The following ARNT2 variants were observed in gnomAD, a reference collection of about 807,000 sequenced individuals.
ARNT2 encodes aryl hydrocarbon receptor nuclear translocator 2, also known as ARNT protein 2.
Under a neutral mutation model 91.7 loss-of-function variants are expected in ARNT2, and 36 were observed. That is an observed-to-expected ratio of 0.39 (90% CI 0.30 to 0.52). The LOEUF (loss-of-function observed/expected upper bound fraction) is 0.52. Ranked by LOEUF, ARNT2 falls within the 20% of genes least tolerant of loss-of-function variation. ARNT2 has a pLI of 0.72. For missense variants in ARNT2, 775 were observed against 939.3 expected (o/e 0.83, Z 2.29); for synonymous variants, 365 against 347.1 (o/e 1.05, Z -0.57).
rs546642753 is a variant in ARNT2, at chr15:80,596,157, A to G, written c.*2459A>G. On this transcript the variant is annotated 3_prime_UTR_variant, in exon 19 of 19. Coordinates refer to ENST00000303329, the MANE Select transcript of ARNT2 (RefSeq NM_014862.4). ...AAATTAGGAGAGGATCCTTGCTCCCAACGTCTACTTCTCCTACCTCAACAG... is the reference window on the plus strand; with the variant it reads ...AAATTAGGAGAGGATCCTTGCTCCCGACGTCTACTTCTCCTACCTCAACAG... The G allele has an allele frequency of 6.6e-6, 1 of 152,368 alleles. No individual in the cohort carries two copies. Among genetic ancestry groups the G allele is most frequent in the Admixed American group, 6.5e-5 (1 of 15,306 alleles). 9.4% of individuals were successfully genotyped at this position (152,368 alleles called of 1,614,324 possible). A position where few individuals can be genotyped will look rare whatever the true frequency, so the allele number is the denominator to read the frequency against.
chr15:80,412,506 GTATA>G (rs35163086), intron 1 of ARNT2, among the ~76,000 whole-genome samples: 4 of 151,142 alleles, frequency 2.6e-5, no homozygotes, highest in Admixed American at 6.6e-5. Context: ...GTGTGTGTGT[GTATA>G]TATATATATA....
intron 5 of ARNT2, among the ~76,000 whole-genome samples, chr15:80,482,072 C>A (rs777244363): frequency 6.6e-6 from 1 of 152,160 alleles, no homozygotes; most frequent in Non-Finnish European, 1.5e-5. Flanking sequence ...CTGCACTCAG[C>A]TAATTTTTTA....
chr15:80,476,189 T>C (rs1234817439), intron 5 of ARNT2, among the ~76,000 whole-genome samples: 4 of 152,206 alleles, frequency 2.6e-5, no homozygotes, highest in African/African-American at 9.7e-5. Flanking sequence ...TGTATGTTAT[T>C]GCGAAATGGT....
chr15:80,422,585 C>A (rs1386217427), intron 1 of ARNT2, among the ~76,000 whole-genome samples: 1 of 152,028 alleles, frequency 6.6e-6, no homozygotes, highest in African/African-American at 2.4e-5. Flanking sequence ...AGTAAGTGAC[C>A]GCAAATGGAA....
intron 5 of ARNT2, among the ~76,000 whole-genome samples, chr15:80,491,282 T>A (rs905823151): frequency 1.5e-4 from 23 of 152,170 alleles, no homozygotes; most frequent in Non-Finnish European, 1.2e-4. Context: ...CTCACAATCA[T>A]GGCAGAAGGC....
chr15:80,461,322 C>T lies in ARNT2; in HGVS notation c.194+3346C>T, dbSNP rs528370549. Among the ~76,000 whole-genome samples, 109 of 152,200 alleles carry T rather than the reference C, an allele frequency of 7.2e-4. No individual in the cohort carries two copies. In the Middle Eastern group the frequency reaches 0.017, roughly 24 times the overall value. On this transcript the variant is annotated intron_variant, in intron 3 of 18. Transcript: ENST00000303329. The stretch of plus-strand genomic sequence containing the variant: ...GCAGGTGCCATGGAAGGACAGGAGT[C>T]GAGGTGGTTAAGGTCTCAATGAGAG...
At chr15:80,467,442 A>T (rs766279156) in intron 3 of ARNT2, among the ~76,000 whole-genome samples, 11 of 152,090 alleles carry the variant, frequency 7.2e-5, no homozygotes, top group Non-Finnish European at 1.3e-4. Flanking sequence ...AGTAGGGAAG[A>T]GGGCTGTGGG....
At chr15:80,456,155 C>T (rs1239156432) in intron 2 of ARNT2, among the ~76,000 whole-genome samples, 1 of 152,204 alleles carries the variant, frequency 6.6e-6, no homozygotes, top group African/African-American at 2.4e-5. Context: ...TTGCATTCAG[C>T]TCCCACTTGT....
chr15:80,498,861 G>A (rs1325119552), intron 5 of ARNT2, among the ~76,000 whole-genome samples: 8 of 152,092 alleles, frequency 5.3e-5, no homozygotes, highest in Non-Finnish European at 1.2e-4. Flanking sequence ...TGTTCGGTGG[G>A]TGCCGTCTTA....
chr15:80,414,376 C>A (rs1205683466), intron 1 of ARNT2, among the ~76,000 whole-genome samples: 2 of 152,152 alleles, frequency 1.3e-5, no homozygotes, highest in Non-Finnish European at 2.9e-5. Flanking sequence ...AAACTCTGGT[C>A]TATGGGAACA....
chr15:80,569,271 C>T (rs1334346019), intron 12 of ARNT2, among the ~76,000 whole-genome samples: 1 of 152,326 alleles, frequency 6.6e-6, no homozygotes, highest in Non-Finnish European at 1.5e-5. Context: ...GGCAGGAAGC[C>T]GCACTTGATG....
intron 1 of ARNT2, chr15:80,441,356 C>A (rs773495967): frequency 2.0e-5 from 20 of 985,314 alleles, no homozygotes; most frequent in Non-Finnish European, 2.4e-5. Context: ...GAAGAAAGAT[C>A]TTTGTTTAAT....
intron 3 of ARNT2, among the ~76,000 whole-genome samples, chr15:80,468,927 C>G (rs1042064482): frequency 2.0e-5 from 3 of 152,168 alleles, no homozygotes; most frequent in African/African-American, 7.2e-5. Context: ...GCACGTGCTA[C>G]TTGGTGTCAT....
In ARNT2 at chr15:80,426,795, T is replaced by A. The variant is rs1004718363; in HGVS notation, c.31+22249T>A. On this transcript the variant is annotated intron_variant, in intron 1 of 18. Transcript: ENST00000303329. ...ACTGGGTGGTTTAAACAACAAATAT[T>A]TATCTTCTCACTCTTCAGAGGCTGG... Among the ~76,000 whole-genome samples, 12 of 152,304 alleles carry A rather than the reference T, an allele frequency of 7.9e-5. 3 individuals carry two copies. The South Asian group carries it at 1.9e-3, about 24-fold the overall frequency.
Position 80,597,237 on chromosome 15 carries a change from A to G in ARNT2, c.*3539A>G, listed in dbSNP as rs1893388452. ...CCCCACTCCCGGCAGCACTTTAGGCAGCCCATAAGCTATGCGAGAATGTGA... is the reference window on the plus strand; with the variant it reads ...CCCCACTCCCGGCAGCACTTTAGGCGGCCCATAAGCTATGCGAGAATGTGA... On this transcript the variant is annotated 3_prime_UTR_variant, in exon 19 of 19. Transcript: ENST00000303329. The G allele has an allele frequency of 1.9e-6, 1 of 518,486 alleles. No individual in the cohort carries two copies. 32.1% of individuals were successfully genotyped at this position (518,486 alleles called of 1,614,324 possible).
In ARNT2 at chr15:80,502,479, G is replaced by A. The variant is rs118144977; in HGVS notation, c.623-5677G>A. The stretch of plus-strand genomic sequence containing the variant: ...AAAATGCAGGAGGAGGAGAGACCCA[G>A]AGGTGGGAAGACAACAGAAACAAAG... On this transcript the variant is annotated intron_variant, in intron 5 of 18. Transcript: ENST00000303329. Among the ~76,000 whole-genome samples, 862 of 152,330 alleles carry A rather than the reference G, an allele frequency of 5.7e-3. 3 individuals are homozygous for A. Among genetic ancestry groups the A allele is most frequent in the Non-Finnish European group, 9.9e-3 (671 of 68,036 alleles).
At chr15:80,577,831 C>T (rs1213037265) in intron 15 of ARNT2, among the ~76,000 whole-genome samples, 2 of 152,240 alleles carry the variant, frequency 1.3e-5, no homozygotes, top group African/African-American at 2.4e-5. Context: ...GCAGACATTG[C>T]AGGGGCTCTG....
Position 80,461,134 on chromosome 15 carries a change from T to C in ARNT2, c.194+3158T>C, listed in dbSNP as rs570975294. Among the ~76,000 whole-genome samples the C allele has an allele frequency of 2.9e-3, 442 of 152,306 alleles. 2 individuals are homozygous for C. Among genetic ancestry groups the C allele is most frequent in the Non-Finnish European group, 5.2e-3 (351 of 68,028 alleles). ...TGGGTTGAATTCACAGGAAGGAGGCTAACCGAAGACAGAGATGTAAAAACT... is the reference window on the plus strand; with the variant it reads ...TGGGTTGAATTCACAGGAAGGAGGCCAACCGAAGACAGAGATGTAAAAACT... On this transcript the variant is annotated intron_variant, in intron 3 of 18. Coordinates refer to ENST00000303329, the MANE Select transcript of ARNT2 (RefSeq NM_014862.4).
intron 3 of ARNT2, among the ~76,000 whole-genome samples, chr15:80,464,319 TG>T (rs1018912689): frequency 2.4e-5 from 3 of 126,392 alleles, no homozygotes; most frequent in African/African-American, 8.4e-5. Flanking sequence ...GATTGGGGGC[TG>T]GGGGTGGGGG....
Sources: allele counts gnomAD v4.1 joint callset (sites outside exome capture counted in the v4.1 genomes callset), GRCh38; gene constraint gnomAD v4.1.1; transcripts MANE v1.5; gene names NCBI Gene and HGNC (gene_info 2026-07-23, HGNC 2026-07-21).